The following ANKS1B variants were observed in gnomAD, a reference collection of about 807,000 sequenced individuals.
ANKS1B encodes the protein ankyrin repeat and sterile alpha motif domain containing 1B.
Under a neutral mutation model 148.3 loss-of-function variants are expected in ANKS1B, and 36 were observed. The ratio of observed to expected loss-of-function variants is 0.24; its 90% confidence interval spans 0.19 to 0.32. The LOEUF is 0.32. Among genes scored for constraint, ANKS1B ranks in the 10% least tolerant of loss-of-function variants. The pLI is 1.00. For missense variants in ANKS1B, 1,157 were observed against 1,542.6 expected (o/e 0.75, Z 4.19); for synonymous variants, 542 against 560.8 (o/e 0.97, Z 0.47).
At chr12:99,073,237 G>C (rs1261534911) in intron 16 of ANKS1B, among the ~76,000 whole-genome samples, 1 of 152,154 alleles carries the variant, frequency 6.6e-6, no homozygotes, top group African/African-American at 2.4e-5. Context: ...CCCATGGTCA[G>C]ACAATTAGGC....
chr12:99,870,614 C>T (rs924204196), intron 1 of ANKS1B, among the ~76,000 whole-genome samples: 2 of 152,082 alleles, frequency 1.3e-5, no homozygotes, highest in African/African-American at 4.8e-5. Context: ...TTCTTAATAA[C>T]AGCCATTCTG....
chr12:99,250,365 A>G (rs1325663663), intron 12 of ANKS1B, among the ~76,000 whole-genome samples: 1 of 152,204 alleles, frequency 6.6e-6, no homozygotes, highest in Non-Finnish European at 1.5e-5. Context: ...ATCTCTAGGA[A>G]TTAGCTAGCC....
At chr12:99,869,840 T>C (rs1000685888) in intron 1 of ANKS1B, among the ~76,000 whole-genome samples, 1 of 152,148 alleles carries the variant, frequency 6.6e-6, no homozygotes, top group Non-Finnish European at 1.5e-5. Context: ...GAAAAAATAA[T>C]AAAATATCTT....
chr12:99,883,611 T>G (rs12819666), intron 1 of ANKS1B, among the ~76,000 whole-genome samples: 8,328 of 107,932 alleles, frequency 0.077, 678 homozygotes, highest in African/African-American at 0.2. Context: ...GGCATAGACT[T>G]GGGGCAGGGG....
intron 12 of ANKS1B, among the ~76,000 whole-genome samples, chr12:99,364,489 G>A (rs980270339): frequency 4.6e-5 from 7 of 152,128 alleles, no homozygotes; most frequent in African/African-American, 1.7e-4. Flanking sequence ...GAAACTGTGT[G>A]TATTTAAGCA....
chr12:99,033,810 G>C (rs1402479630), intron 17 of ANKS1B, among the ~76,000 whole-genome samples: 2 of 152,170 alleles, frequency 1.3e-5, no homozygotes, highest in Non-Finnish European at 2.9e-5. Context: ...CCCTTTACAA[G>C]GTCAGGAGCC....
chr12:99,856,912 C>G (rs1267361460), intron 1 of ANKS1B, among the ~76,000 whole-genome samples: 3 of 152,160 alleles, frequency 2.0e-5, no homozygotes, highest in Non-Finnish European at 4.4e-5. Flanking sequence ...CTATTACAAA[C>G]CCACAGCCAA....
chr12:98,972,103 G>A (rs1413242158), intron 17 of ANKS1B, among the ~76,000 whole-genome samples: 1 of 152,206 alleles, frequency 6.6e-6, no homozygotes, highest in African/African-American at 2.4e-5. Flanking sequence ...AGGAGGCAGA[G>A]GTTGCAGTGA....
In ANKS1B at chr12:99,889,647, T is replaced by A. The variant is rs528653024; in HGVS notation, c.135-64258A>T. ...AAATTCCACACTAAAGGTAGAATACTTAACAAAACACCAACATTTCCCTTC... is the reference window on the plus strand; with the variant it reads ...AAATTCCACACTAAAGGTAGAATACATAACAAAACACCAACATTTCCCTTC... On this transcript the variant is annotated intron_variant, in intron 1 of 26. Transcript: ENST00000683438. Among the ~76,000 whole-genome samples the A allele has an allele frequency of 9.2e-5, 14 of 152,298 alleles. No individual in the cohort carries two copies. The South Asian group carries it at 2.9e-3, about 32-fold the overall frequency.
chr12:99,066,402 C>A (rs1324182036), intron 16 of ANKS1B, among the ~76,000 whole-genome samples: 2 of 152,132 alleles, frequency 1.3e-5, no homozygotes, highest in African/African-American at 2.4e-5. Context: ...ACAACTAGAG[C>A]AAAGGCCCTC....
intron 8 of ANKS1B, among the ~76,000 whole-genome samples, chr12:99,699,383 T>C (rs1374973309): frequency 1.3e-5 from 2 of 152,236 alleles, no homozygotes; most frequent in African/African-American, 4.8e-5. Context: ...TGCTCAGCTC[T>C]ATCTCTTCAG....
At chr12:99,456,272 G>T (rs2152837699) in intron 10 of ANKS1B, among the ~76,000 whole-genome samples, 1 of 152,208 alleles carries the variant, frequency 6.6e-6, no homozygotes, top group African/African-American at 2.4e-5. Context: ...CTTAACAGAA[G>T]CCCTTGAGTC....
At chr12:99,593,239 G>T (rs1439048217) in intron 9 of ANKS1B, among the ~76,000 whole-genome samples, 1 of 150,432 alleles carries the variant, frequency 6.6e-6, no homozygotes, top group African/African-American at 2.5e-5. Context: ...AGATGGTTGG[G>T]GTTGGGGGGG....
intron 14 of ANKS1B, among the ~76,000 whole-genome samples, chr12:99,185,464 A>G (rs2079698019): frequency 6.6e-6 from 1 of 152,212 alleles, no homozygotes; most frequent in Non-Finnish European, 1.5e-5. Flanking sequence ...AAGATGGACG[A>G]ATAGGAATAG....
intron 8 of ANKS1B, among the ~76,000 whole-genome samples, chr12:99,767,950 A>C (rs972853702): frequency 8.1e-4 from 124 of 152,290 alleles, no homozygotes; most frequent in African/African-American, 2.8e-3. Context: ...ATTCAAAAAT[A>C]AAAGTTCTTA....
intron 17 of ANKS1B, among the ~76,000 whole-genome samples, chr12:99,006,480 T>G (rs2153391024): frequency 6.6e-6 from 1 of 152,262 alleles, no homozygotes; most frequent in South Asian, 2.1e-4. Context: ...CTATAAACAT[T>G]TATCTGGGAC....
chr12:99,688,050 A>G (rs946424291), intron 8 of ANKS1B, among the ~76,000 whole-genome samples: 19 of 152,190 alleles, frequency 1.2e-4, no homozygotes, highest in African/African-American at 4.6e-4. Context: ...TATCCCCATT[A>G]TTAAGGAGAG....
intron 17 of ANKS1B, among the ~76,000 whole-genome samples, chr12:98,927,550 T>A (rs181643755): frequency 6.6e-6 from 1 of 152,068 alleles, no homozygotes; most frequent in Non-Finnish European, 1.5e-5. Context: ...TTTATAAATA[T>A]ATACTTTTTT....
At chr12:99,669,909 A>T (rs2098528490) in intron 8 of ANKS1B, among the ~76,000 whole-genome samples, 1 of 152,088 alleles carries the variant, frequency 6.6e-6, no homozygotes, top group Non-Finnish European at 1.5e-5. Flanking sequence ...TCAGGCAAAA[A>T]GCTGGGTGAT....
Sources: gnomAD v4.1 joint callset for allele counts (sites outside exome capture counted in the v4.1 genomes callset) on GRCh38, gnomAD v4.1.1 for gene constraint, MANE v1.5 for transcripts, NCBI Gene and HGNC (gene_info 2026-07-23, HGNC 2026-07-21) for gene names.